RSF1: variants seen among roughly 807,000 people sequenced by gnomAD.
The protein encoded by RSF1 is HBV pX-associated protein 8.
Under a neutral mutation model 145.2 loss-of-function variants are expected in RSF1, and 13 were observed. That is an observed-to-expected ratio of 0.09 (90% CI 0.06 to 0.14). The LOEUF (loss-of-function observed/expected upper bound fraction) is 0.14, where lower values mean the gene tolerates loss of function less well. Ranked by LOEUF, RSF1 falls within the 10% of genes least tolerant of loss-of-function variation. RSF1 has a pLI of 1.00. For missense variants in RSF1, 1,517 were observed against 1,718.2 expected (o/e 0.88, Z 2.07); for synonymous variants, 577 against 592.6 (o/e 0.97, Z 0.38).
chr11:77,714,875 C>A (rs1960769918), intron 5 of RSF1, among the ~76,000 whole-genome samples: 2 of 152,014 alleles, frequency 1.3e-5, no homozygotes, highest in Non-Finnish European at 2.9e-5. Context: ...TGTAATCCCA[C>A]TGCTTTAGAA....
chr11:77,839,519 C>T, the RSF1 span, among the ~76,000 whole-genome samples: 1 of 152,150 alleles, frequency 6.6e-6, no homozygotes, highest in Non-Finnish European at 1.5e-5. Flanking sequence ...GAAATGCACA[C>T]ATATATTCAT....
rs564690570 is a variant in RSF1, at chr11:77,788,740, G to C, written c.188-24051C>G. 2.0e-5 allele frequency among the ~76,000 whole-genome samples: 3 copies of C among 152,156 alleles called. No homozygotes were observed. In the South Asian group the frequency reaches 6.2e-4, roughly 32 times the overall value. On this transcript the variant is annotated intron_variant, in intron 1 of 15. Transcript: ENST00000308488. ...AAGCTAAAAATTCATTAGAAACAAA[G>C]AAAAGTCTTAAATCTATGACCAAAG...
intron 5 of RSF1, among the ~76,000 whole-genome samples, chr11:77,716,146 G>A (rs932991653): frequency 2.0e-5 from 3 of 151,394 alleles, no homozygotes; most frequent in African/African-American, 7.3e-5. Context: ...AAAAAAAAAA[G>A]AAAGAGAATC....
intron 3 of RSF1, among the ~76,000 whole-genome samples, chr11:77,742,575 G>T (rs1947953089): frequency 6.6e-6 from 1 of 152,044 alleles, no homozygotes; most frequent in African/African-American, 2.4e-5. Flanking sequence ...ACTGCACCTG[G>T]CCTCAAGGGT....
intron 11 of RSF1, among the ~76,000 whole-genome samples, chr11:77,683,005 A>G (rs1959905189): frequency 6.6e-6 from 1 of 152,182 alleles, no homozygotes. Flanking sequence ...AAAAGTATCA[A>G]TGCTTGGCTG....
intron 11 of RSF1, among the ~76,000 whole-genome samples, chr11:77,679,472 A>G (rs1490599679): frequency 6.6e-6 from 1 of 152,174 alleles, no homozygotes; most frequent in Non-Finnish European, 1.5e-5. Context: ...CAGGAGTTCA[A>G]GACCAGCTTG....
intron 1 of RSF1, among the ~76,000 whole-genome samples, chr11:77,780,331 A>G (rs1436055919): frequency 1.3e-5 from 2 of 152,214 alleles, no homozygotes; most frequent in African/African-American, 4.8e-5. Context: ...AAAGGAACAA[A>G]TTTCTAAATC....
chr11:77,856,131 A>G, the RSF1 span, among the ~76,000 whole-genome samples: 1 of 152,132 alleles, frequency 6.6e-6, no homozygotes, highest in Non-Finnish European at 1.5e-5. Context: ...AAAAAGAAGA[A>G]AGGTCTTCCA....
At chr11:77,795,899 G>C (rs563075058) in intron 1 of RSF1, among the ~76,000 whole-genome samples, 1 of 152,124 alleles carries the variant, frequency 6.6e-6, no homozygotes, top group Non-Finnish European at 1.5e-5. Context: ...TTCAGAACTT[G>C]TTATTGGTTT....
the RSF1 span, among the ~76,000 whole-genome samples, chr11:77,828,701 A>C: frequency 6.6e-6 from 1 of 152,004 alleles, no homozygotes; most frequent in Non-Finnish European, 1.5e-5. Context: ...GAAAATTATA[A>C]AACATTGTTC....
intron 1 of RSF1, among the ~76,000 whole-genome samples, chr11:77,768,465 AC>A (rs1380950529): frequency 6.6e-6 from 1 of 152,036 alleles, no homozygotes; most frequent in Non-Finnish European, 1.5e-5. Context: ...CCGGCCAATC[AC>A]TATTTTTAAA....
the RSF1 span, among the ~76,000 whole-genome samples, chr11:77,854,825 C>T: frequency 2.0e-5 from 3 of 152,232 alleles, no homozygotes; most frequent in South Asian, 4.1e-4. Context: ...TCCAACCCCA[C>T]ATTTGCCCTC....
At chr11:77,686,425 A>AAAAAAAAAAAAAAAAAAAAAAAAC (rs1960008724) in intron 9 of RSF1, among the ~76,000 whole-genome samples, 1 of 150,134 alleles carries the variant, frequency 6.7e-6, no homozygotes, top group Non-Finnish European at 1.5e-5. Flanking sequence ...AAAAAAAAAA[A>AAAAAAAAAAAAAAAAAAAAAAAAC]AAAGCAGGTG....
At chr11:77,692,224 T>C (rs1352282887) in intron 8 of RSF1, among the ~76,000 whole-genome samples, 1 of 135,058 alleles carries the variant, frequency 7.4e-6, no homozygotes, top group African/African-American at 2.9e-5. Flanking sequence ...TAATTATTAC[T>C]ACTTTTAAAT....
At chr11:77,700,047 T>TA (rs1960376923) in intron 6 of RSF1, among the ~76,000 whole-genome samples, 1 of 151,842 alleles carries the variant, frequency 6.6e-6, no homozygotes, top group Admixed American at 6.6e-5. Context: ...AACATCCACA[T>TA]AAATGCATGA....
the RSF1 span, among the ~76,000 whole-genome samples, chr11:77,859,113 T>A: frequency 6.6e-6 from 1 of 152,350 alleles, no homozygotes; most frequent in East Asian, 1.9e-4. Context: ...CAAAAGTATT[T>A]TTCCTTCTTC....
At chr11:77,823,309 A>G (rs7937983), upstream of RSF1, among the ~76,000 whole-genome samples, 26,863 of 151,992 alleles carry the variant, frequency 0.18, 2,976 homozygotes, top group African/African-American at 0.29. Context: ...TTAATTTAAT[A>G]AGTCGGAAAA....
At position 77,667,471 on chromosome 11, in the gene RSF1, A is replaced by C; in HGVS notation, c.3772T>G (p.Ser1258Ala). ...TCTTTAGCTAGCTCATCATCTTCAG[A>C]GTTCTTGGACAAATAGCTCTCTAGA... is the stretch of plus-strand genomic sequence containing the variant. ...ESEESYLSKN[S>A]EDDELAKESK... The change falls in exon 16 of 16, where the codon TCT (serine) becomes GCT (alanine). Residue 1258 changes from serine (S) to alanine (A), a missense_variant. This residue lies in a region of RSF1 where 240 missense variants were observed against 231.8 expected (regional missense o/e 1.04). Transcript: ENST00000308488. 1.2e-6 allele frequency: 2 copies of C among 1,610,974 alleles called. No homozygotes were observed. The highest frequency in any genetic ancestry group is 4.5e-5 in the East Asian group (2 of 44,860).
intron 4 of RSF1, among the ~76,000 whole-genome samples, chr11:77,735,613 T>C (rs1961329522): frequency 6.6e-6 from 1 of 152,128 alleles, no homozygotes; most frequent in Non-Finnish European, 1.5e-5. Context: ...AACAAGAAGC[T>C]TTTAATTTAC....
Sources: gnomAD v4.1 joint callset for allele counts (sites outside exome capture counted in the v4.1 genomes callset) on GRCh38, gnomAD v4.1.1 for gene constraint, gnomAD v4.1.1 regional missense constraint, MANE v1.5 for transcripts, NCBI Gene and HGNC (gene_info 2026-07-23, HGNC 2026-07-21) for gene names.